GPHN: variants seen among roughly 807,000 people sequenced by gnomAD.
The protein encoded by GPHN is gephyrin.
Under a neutral mutation model 95.5 loss-of-function variants are expected in GPHN, and 17 were observed. The ratio of observed to expected loss-of-function variants is 0.18; its 90% confidence interval spans 0.12 to 0.27. The LOEUF (loss-of-function observed/expected upper bound fraction) is 0.27. GPHN is among the 10% of genes least tolerant of loss of function. GPHN has a pLI of 1.00. For missense variants in GPHN, 660 were observed against 978.1 expected (o/e 0.67, Z 4.34); for synonymous variants, 320 against 322.5 (o/e 0.99, Z 0.08).
chr14:67,550,486 G>A, the GPHN span, among the ~76,000 whole-genome samples: 6 of 152,324 alleles, frequency 3.9e-5, 1 homozygote, highest in South Asian at 1.2e-3. Flanking sequence ...ACCGCGCCCA[G>A]CCAAAACAAT....
intron 2 of GPHN, among the ~76,000 whole-genome samples, chr14:66,694,160 A>T (rs1490392182): frequency 1.3e-5 from 2 of 152,264 alleles, no homozygotes; most frequent in African/African-American, 2.4e-5. Context: ...TGATTTAGTC[A>T]TGAGGGCAGA....
chr14:67,014,067 C>A (rs1323390429), intron 9 of GPHN, among the ~76,000 whole-genome samples: 2 of 151,906 alleles, frequency 1.3e-5, no homozygotes, highest in Non-Finnish European at 2.9e-5. Flanking sequence ...CTTGATCTTA[C>A]TTTTGAGAAC....
chr14:67,726,590 C>A, the GPHN span, among the ~76,000 whole-genome samples: 4 of 152,222 alleles, frequency 2.6e-5, no homozygotes, highest in South Asian at 8.3e-4. Flanking sequence ...AAGGCAAAGA[C>A]TTTAGGGAGG....
chr14:67,709,424 C>G, the GPHN span, among the ~76,000 whole-genome samples: 1 of 152,166 alleles, frequency 6.6e-6, no homozygotes, highest in Admixed American at 6.5e-5. Context: ...CTTTCATAAG[C>G]CTTTCATAAC....
At chr14:67,426,619 A>G in the GPHN span, among the ~76,000 whole-genome samples, 1 of 152,150 alleles carries the variant, frequency 6.6e-6, no homozygotes, top group Non-Finnish European at 1.5e-5. Flanking sequence ...CTTGTTGCCC[A>G]GGCTGGAGTG....
the GPHN span, among the ~76,000 whole-genome samples, chr14:67,532,642 C>G: frequency 3.3e-5 from 5 of 152,254 alleles, no homozygotes; most frequent in African/African-American, 1.2e-4. Flanking sequence ...CACTTGAGCT[C>G]CGGAGTTCGA....
chr14:66,879,963 G>C lies in GPHN; in HGVS notation c.319G>C (p.Glu107Gln). ...PEATKEVIER[E>Q]APGMALAMLM... is the part of the protein sequence containing the mutation. ...GGCCACAAAAGAAGTAATAGAACGG[G>C]AAGCACCAGGGATGGCCCTGGCAAT... Residue 107 changes from glutamate to glutamine, a missense_variant, in exon 5 of 23, where the codon GAA (glutamate) becomes CAA (glutamine). Physicochemically the swap from Glu to Gln is conservative, Grantham distance 29 (BLOSUM62 2). Around this residue, in one of 6 missense-constraint regions of GPHN, gnomAD observed 71 missense variants for 130.8 expected, o/e 0.54. Transcript: ENST00000478722. The C allele has an allele frequency of 6.2e-7, 1 of 1,610,152 alleles. No homozygotes were observed. The highest frequency in any genetic ancestry group is 8.5e-7 in the Non-Finnish European group (1 of 1,176,850).
the GPHN span, among the ~76,000 whole-genome samples, chr14:67,349,608 GAGGATTGTTTGAGGCC>G: frequency 6.6e-6 from 1 of 152,320 alleles, no homozygotes; most frequent in Admixed American, 6.5e-5. Flanking sequence ...GCCGAGGCAG[GAGGATTGTTTGAGGCC>G]AGGAGTTCAA....
chr14:66,620,525 T>C (rs1431363332), intron 1 of GPHN, among the ~76,000 whole-genome samples: 1 of 152,112 alleles, frequency 6.6e-6, no homozygotes, highest in African/African-American at 2.4e-5. Flanking sequence ...TTCATTATCA[T>C]GAGAACAGCA....
At chr14:67,314,530 A>G in the GPHN span, among the ~76,000 whole-genome samples, 1 of 152,204 alleles carries the variant, frequency 6.6e-6, no homozygotes, top group Non-Finnish European at 1.5e-5. Context: ...CTTCAGAGTA[A>G]CAGTTACAGG....
intron 5 of GPHN, among the ~76,000 whole-genome samples, chr14:66,891,355 G>A (rs2064489926): frequency 6.6e-6 from 1 of 152,090 alleles, no homozygotes; most frequent in African/African-American, 2.4e-5. Flanking sequence ...TTGCATATAG[G>A]ATGTAATAAT....
intron 7 of GPHN, among the ~76,000 whole-genome samples, chr14:66,923,326 T>C (rs981033915): frequency 6.6e-6 from 1 of 151,870 alleles, no homozygotes; most frequent in African/African-American, 2.4e-5. Context: ...TAAAAGACCT[T>C]AGATGATTCA....
At chr14:67,562,873 G>A in the GPHN span, 12 of 1,612,606 alleles carry the variant, frequency 7.4e-6, no homozygotes, top group Admixed American at 1.7e-5. Context: ...CTACACCCCC[G>A]CTGCACCAGT....
intron 10 of GPHN, among the ~76,000 whole-genome samples, chr14:67,048,545 T>C (rs907223210): frequency 6.6e-6 from 1 of 152,222 alleles, no homozygotes; most frequent in African/African-American, 2.4e-5. Context: ...TTAGATGTTA[T>C]AATAATTCAG....
At chr14:67,392,589 C>A in the GPHN span, 3 of 1,409,978 alleles carry the variant, frequency 2.1e-6, no homozygotes, top group Non-Finnish European at 3.0e-6. Flanking sequence ...GACTGTGGCC[C>A]CCAGGCCCCC....
intron 1 of GPHN, among the ~76,000 whole-genome samples, chr14:66,605,165 G>A (rs914442943): frequency 2.6e-5 from 4 of 151,906 alleles, no homozygotes; most frequent in Non-Finnish European, 5.9e-5. Context: ...TGAACATATC[G>A]GTGCATATGT....
chr14:66,692,334 T>C lies in GPHN; in HGVS notation c.143+11149T>C, dbSNP rs565397301. On this transcript the variant is annotated intron_variant, in intron 2 of 22. Transcript: ENST00000478722. The stretch of plus-strand genomic sequence containing the variant: ...GGAAGGAGTGAGGAGTATGATGAGG[T>C]ACTAACATTTATCAACTACCTGCTA... 4.8e-4 allele frequency among the ~76,000 whole-genome samples: 73 copies of C among 152,288 alleles called. 1 individual carries two copies. The Middle Eastern group carries it at 0.02, about 43-fold the overall frequency.
chr14:67,046,005 A>T (rs114059842), intron 10 of GPHN, among the ~76,000 whole-genome samples: 6,999 of 152,214 alleles, frequency 0.046, 343 homozygotes, highest in African/African-American at 0.12. Flanking sequence ...TTACATATTA[A>T]TAGAGACCCA....
the GPHN span, among the ~76,000 whole-genome samples, chr14:67,481,321 T>C: frequency 2.0e-5 from 3 of 151,474 alleles, no homozygotes; most frequent in Non-Finnish European, 2.9e-5. Flanking sequence ...AAAAGCGAGA[T>C]GGGGGAGAGA....
Sources: allele counts gnomAD v4.1 joint callset (sites outside exome capture counted in the v4.1 genomes callset), GRCh38; gene constraint gnomAD v4.1.1; regional missense constraint gnomAD v4.1.1; transcripts MANE v1.5; gene names NCBI Gene and HGNC (gene_info 2026-07-23, HGNC 2026-07-21).